KIAA0825: variants seen among roughly 807,000 people sequenced by gnomAD.
The protein encoded by KIAA0825 is KIAA0825.
Under a neutral mutation model 147.6 loss-of-function variants are expected in KIAA0825, and 119 were observed. The observed-to-expected ratio is 0.81, with a 90% CI of 0.69 to 0.94. KIAA0825 has a LOEUF of 0.94. KIAA0825 is among the 40% of genes least tolerant of loss of function. The probability of loss-of-function intolerance (pLI) is 0.00; values close to 1 mark genes in which losing one functional copy is unlikely to be tolerated. For synonymous variants in KIAA0825, 470 were observed against 518.1 expected (o/e 0.91, Z 1.26); for missense variants, 1,381 against 1,472.7 (o/e 0.94, Z 1.02).
intron 1 of KIAA0825, among the ~76,000 whole-genome samples, chr5:94,602,520 G>A (rs893396719): frequency 6.6e-6 from 1 of 152,146 alleles, no homozygotes. Context: ...CCAACGTGTT[G>A]TTGAGAGGAA....
chr5:94,524,422 G>C (rs1046265106), intron 3 of KIAA0825, among the ~76,000 whole-genome samples: 2 of 151,590 alleles, frequency 1.3e-5, no homozygotes, highest in South Asian at 4.1e-4. Context: ...GAAAGGGAGA[G>C]ATAAAATACT....
At chr5:94,222,323 C>G (rs1773734765) in intron 20 of KIAA0825, among the ~76,000 whole-genome samples, 1 of 152,016 alleles carries the variant, frequency 6.6e-6, no homozygotes, top group Non-Finnish European at 1.5e-5. Context: ...ATGTTTCATT[C>G]AATATTTCAG....
At chr5:94,400,441 A>T (rs1049842545) in intron 16 of KIAA0825, among the ~76,000 whole-genome samples, 1 of 152,086 alleles carries the variant, frequency 6.6e-6, no homozygotes, top group African/African-American at 2.4e-5. Flanking sequence ...TATTTCTGTC[A>T]TCAATTTCTT....
intron 20 of KIAA0825, among the ~76,000 whole-genome samples, chr5:94,259,566 T>G (rs1024169878): frequency 6.6e-6 from 1 of 152,022 alleles, no homozygotes; most frequent in African/African-American, 2.4e-5. Context: ...CTATAGTCTA[T>G]TAGTAAACTG....
At chr5:94,551,682 T>C (rs1034319785) in intron 2 of KIAA0825, among the ~76,000 whole-genome samples, 1 of 152,000 alleles carries the variant, frequency 6.6e-6, no homozygotes. Flanking sequence ...CTCATTGACA[T>C]ATATTGGCCT....
intron 20 of KIAA0825, among the ~76,000 whole-genome samples, chr5:94,178,127 C>G (rs1769279703): frequency 6.6e-6 from 1 of 151,860 alleles, no homozygotes; most frequent in Non-Finnish European, 1.5e-5. Context: ...CTGTTTCTTG[C>G]TGGGATATTG....
intron 2 of KIAA0825, among the ~76,000 whole-genome samples, chr5:94,551,281 T>C (rs1212920877): frequency 1.3e-5 from 2 of 152,008 alleles, no homozygotes; most frequent in Admixed American, 6.6e-5. Context: ...AGGACAAAGA[T>C]ATACAAACCT....
chr5:94,606,626 T>G (rs1787540774), intron 1 of KIAA0825, among the ~76,000 whole-genome samples: 1 of 152,146 alleles, frequency 6.6e-6, no homozygotes, highest in Admixed American at 6.6e-5. Flanking sequence ...AACTATGTGA[T>G]TTTTGACAAA....
chr5:94,381,067 G>A (rs1285112360), intron 20 of KIAA0825, among the ~76,000 whole-genome samples: 3 of 152,122 alleles, frequency 2.0e-5, no homozygotes, highest in Admixed American at 2.0e-4. Context: ...TTGGCTTTTT[G>A]ACCTTCCTTC....
intron 20 of KIAA0825, among the ~76,000 whole-genome samples, chr5:94,285,960 C>T (rs1777651253): frequency 6.6e-6 from 1 of 152,114 alleles, no homozygotes; most frequent in African/African-American, 2.4e-5. Context: ...CTGCAAAAGT[C>T]ACATATCAGC....
intron 14 of KIAA0825, among the ~76,000 whole-genome samples, chr5:94,421,108 T>C (rs1256529260): frequency 6.6e-6 from 1 of 152,176 alleles, no homozygotes; most frequent in Non-Finnish European, 1.5e-5. Context: ...TTGGCAAATT[T>C]TTTCTATAAA....
intron 2 of KIAA0825, among the ~76,000 whole-genome samples, chr5:94,538,731 C>T (rs113826388): frequency 1.9e-3 from 296 of 152,258 alleles, no homozygotes; most frequent in African/African-American, 6.5e-3. Flanking sequence ...TTTTCTCTAC[C>T]GTTAAGAGGT....
chr5:94,331,160 G>A (rs2434362), intron 20 of KIAA0825, among the ~76,000 whole-genome samples: 30 of 149,610 alleles, frequency 2.0e-4, no homozygotes, highest in Middle Eastern at 3.4e-3. Flanking sequence ...GAAAGAGAGA[G>A]AGAGAGAAAG....
At chr5:94,545,415 C>A (rs1774154923) in intron 2 of KIAA0825, among the ~76,000 whole-genome samples, 1 of 152,110 alleles carries the variant, frequency 6.6e-6, no homozygotes, top group Non-Finnish European at 1.5e-5. Flanking sequence ...CTCCCCCAAC[C>A]CCAGGCAGCA....
chr5:94,213,345 A>G (rs1219940164), intron 20 of KIAA0825, among the ~76,000 whole-genome samples: 1 of 152,168 alleles, frequency 6.6e-6, no homozygotes, highest in East Asian at 1.9e-4. Context: ...TCTTGGTAAT[A>G]TAAGTTAGAC....
intron 20 of KIAA0825, among the ~76,000 whole-genome samples, chr5:94,360,691 A>G (rs1744936922): frequency 6.6e-6 from 1 of 152,236 alleles, no homozygotes; most frequent in South Asian, 2.1e-4. Context: ...GAAAAAGTTC[A>G]GTACTGGAAA....
rs555757050 is a variant in KIAA0825 at position 94,241,827 on chromosome 5, A to G, written c.3711-87703T>C. Among the ~76,000 whole-genome samples, 15 of 152,298 alleles carry G rather than the reference A, an allele frequency of 9.8e-5. No homozygotes were observed. The South Asian group carries it at 2.7e-3, about 27-fold the overall frequency. ...TGTAAATCAGGTTCCCAGAACTTCA[A>G]CATTAAAAAGAAATGTACTAATTGG... On this transcript the variant is annotated intron_variant, in intron 20 of 20. Transcript: ENST00000682413.
At chr5:94,344,282 A>G (rs1488179310) in intron 20 of KIAA0825, among the ~76,000 whole-genome samples, 1 of 152,230 alleles carries the variant, frequency 6.6e-6, no homozygotes, top group Non-Finnish European at 1.5e-5. Context: ...ATACAGCTTC[A>G]TCTATATTCA....
intron 20 of KIAA0825, among the ~76,000 whole-genome samples, chr5:94,219,687 G>T (rs1013452187): frequency 6.6e-6 from 1 of 152,124 alleles, no homozygotes; most frequent in African/African-American, 2.4e-5. Context: ...TTGGAATACT[G>T]TAGGTCATTG....
Sources: gnomAD v4.1 joint callset for allele counts (sites outside exome capture counted in the v4.1 genomes callset) on GRCh38, gnomAD v4.1.1 for gene constraint, MANE v1.5 for transcripts, NCBI Gene and HGNC (gene_info 2026-07-23, HGNC 2026-07-21) for gene names.